Variants in DORIP1 observed in about 807,000 individuals in gnomAD.
The protein encoded by DORIP1 is dopamine receptor-interacting protein 1.
At chr14:44,903,926 A>G in the DORIP1 span, 1 of 977,530 alleles carries the variant, frequency 1.0e-6, no homozygotes, top group Non-Finnish European at 1.2e-6. Flanking sequence ...CGGTTAATCA[A>G]GATTTTACTG....
the DORIP1 span, chr14:44,904,258 T>C: frequency 2.1e-6 from 3 of 1,401,722 alleles, no homozygotes; most frequent in Non-Finnish European, 2.8e-6. Flanking sequence ...AATTACCCTA[T>C]AACTATAGGT....
chr14:44,904,573 A>T, the DORIP1 span: 2 of 1,520,696 alleles, frequency 1.3e-6, no homozygotes, highest in African/African-American at 1.4e-5. Flanking sequence ...TAATAAAAAA[A>T]ATTTATCCTG....
At chr14:44,904,373 T>C in the DORIP1 span, 6 of 1,605,258 alleles carry the variant, frequency 3.7e-6, no homozygotes, top group Middle Eastern at 6.7e-4. Context: ...GTAATAATGT[T>C]CATGCCTGTT....
the DORIP1 span, among the ~76,000 whole-genome samples, chr14:44,898,681 T>TCC: frequency 5.9e-5 from 9 of 152,344 alleles, no homozygotes; most frequent in East Asian, 1.7e-3. Context: ...AGGCTGCAGA[T>TCC]TTGCCACACC....
the DORIP1 span, chr14:44,904,099 A>G: frequency 1.0e-6 from 1 of 985,366 alleles, no homozygotes; most frequent in East Asian, 1.1e-4. Context: ...AGAGTGAAAT[A>G]TAAAAGCGTT....
chr14:44,905,125 C>T, the DORIP1 span: 5 of 322,670 alleles, frequency 1.5e-5, no homozygotes, highest in South Asian at 1.5e-4. Flanking sequence ...AGTTTTCTTA[C>T]GTGTTTACTC....
At chr14:44,903,309 T>C in the DORIP1 span, 5 of 1,600,940 alleles carry the variant, frequency 3.1e-6, no homozygotes, top group Non-Finnish European at 4.3e-6. Context: ...GAGTATACAA[T>C]AGACATTTAA....
At chr14:44,905,329 A>G in the DORIP1 span, 3 of 1,311,716 alleles carry the variant, frequency 2.3e-6, no homozygotes, top group Non-Finnish European at 3.1e-6. Context: ...TTAACAAAGT[A>G]TTAAATTTTC....
chr14:44,905,808 GTA>G, the DORIP1 span: 1 of 229,068 alleles, frequency 4.4e-6, no homozygotes, highest in South Asian at 1.8e-4. Context: ...TGTGGCCTTT[GTA>G]TTTTTTATTT....
At chr14:44,897,892 G>C in the DORIP1 span, among the ~76,000 whole-genome samples, 1 of 152,216 alleles carries the variant, frequency 6.6e-6, no homozygotes, top group East Asian at 1.9e-4. Context: ...GGCTGTACAG[G>C]CGTATTTTAG....
the DORIP1 span, chr14:44,903,867 G>A: frequency 1.0e-6 from 1 of 984,938 alleles, no homozygotes; most frequent in Non-Finnish European, 1.2e-6. Flanking sequence ...TGGTTAATTT[G>A]GTTTAGTTAA....
At chr14:44,902,583 G>A in the DORIP1 span, among the ~76,000 whole-genome samples, 5 of 151,982 alleles carry the variant, frequency 3.3e-5, no homozygotes, top group Admixed American at 3.3e-4. Context: ...GCTTCCCAAA[G>A]TGCTGGGATT....
At chr14:44,899,976 C>T in the DORIP1 span, among the ~76,000 whole-genome samples, 1 of 151,880 alleles carries the variant, frequency 6.6e-6, no homozygotes. Context: ...GGATTACAGG[C>T]ATGCGCCACC....
At chr14:44,904,570 A>C in the DORIP1 span, 2 of 1,529,446 alleles carry the variant, frequency 1.3e-6, no homozygotes, top group Non-Finnish European at 1.8e-6. Context: ...AACTAATAAA[A>C]AAAATTTATC....
chr14:44,899,859 G>C, the DORIP1 span, among the ~76,000 whole-genome samples: 1 of 117,984 alleles, frequency 8.5e-6, no homozygotes, highest in Non-Finnish European at 1.6e-5. Context: ...TTGAGATGGA[G>C]TTTCACTCGT....
At chr14:44,906,234 G>A in the DORIP1 span, 2 of 151,452 alleles carry the variant, frequency 1.3e-5, no homozygotes, top group East Asian at 1.9e-4. Flanking sequence ...CTTAATTCAC[G>A]TTATTACAAA....
the DORIP1 span, chr14:44,905,135 C>G: frequency 1.5e-5 from 5 of 344,404 alleles, no homozygotes; most frequent in East Asian, 8.9e-5. Flanking sequence ...CGTGTTTACT[C>G]TTTTTTAAAA....
the DORIP1 span, chr14:44,905,584 T>G: frequency 7.1e-7 from 1 of 1,402,576 alleles, no homozygotes; most frequent in East Asian, 2.4e-5. Context: ...TTTTCCCTCC[T>G]GCCCATGCTC....
the DORIP1 span, chr14:44,903,206 G>C: frequency 6.9e-6 from 11 of 1,600,942 alleles, 1 homozygote; most frequent in South Asian, 8.8e-5. Context: ...AATTATTATA[G>C]TCCTCCCCAA....
Sources: gnomAD v4.1 joint callset for allele counts (sites outside exome capture counted in the v4.1 genomes callset) on GRCh38, gnomAD v4.1.1 for gene constraint, MANE v1.5 for transcripts, NCBI Gene and HGNC (gene_info 2026-07-23, HGNC 2026-07-21) for gene names.